Variants in NELL1 observed in about 807,000 individuals in gnomAD.
The protein encoded by NELL1 is neural EGFL like 1.
Under a neutral mutation model 107.4 loss-of-function variants are expected in NELL1, and 76 were observed. The ratio of observed to expected loss-of-function variants is 0.71; its 90% CI spans 0.59 to 0.86. The LOEUF (loss-of-function observed/expected upper bound fraction) is 0.86. Ranked by LOEUF, NELL1 falls within the 40% of genes least tolerant of loss-of-function variation. The pLI, the probability that NELL1 is intolerant of heterozygous loss-of-function variation, is 0.00. For missense variants in NELL1, 1,024 were observed against 1,005.5 expected (o/e 1.02, Z -0.25); for synonymous variants, 353 against 341.2 (o/e 1.03, Z -0.38).
At chr11:20,685,677 G>A (rs966954927) in intron 2 of NELL1, among the ~76,000 whole-genome samples, 4 of 152,064 alleles carry the variant, frequency 2.6e-5, no homozygotes, top group South Asian at 2.1e-4. Context: ...GTGAGCTCTC[G>A]TTAAACTTGA....
At chr11:21,074,767 T>G (rs1006519034) in intron 12 of NELL1, among the ~76,000 whole-genome samples, 1 of 152,118 alleles carries the variant, frequency 6.6e-6, no homozygotes, top group Non-Finnish European at 1.5e-5. Context: ...GGTTTCAGGA[T>G]AATTCTGATG....
At chr11:21,514,990 C>T (rs1855522908) in intron 15 of NELL1, among the ~76,000 whole-genome samples, 1 of 152,078 alleles carries the variant, frequency 6.6e-6, no homozygotes. Flanking sequence ...TTTCTTATAG[C>T]TTGCAGGTAG....
intron 12 of NELL1, among the ~76,000 whole-genome samples, chr11:21,029,961 G>T (rs1438258979): frequency 1.3e-5 from 2 of 152,144 alleles, no homozygotes; most frequent in African/African-American, 4.8e-5. Flanking sequence ...TCCATCATCA[G>T]CAAGACCTCT....
intron 14 of NELL1, among the ~76,000 whole-genome samples, chr11:21,236,945 A>G (rs1187100475): frequency 6.6e-6 from 1 of 152,180 alleles, no homozygotes; most frequent in African/African-American, 2.4e-5. Context: ...GTTTTACTAC[A>G]TGACTTAGGG....
intron 9 of NELL1, among the ~76,000 whole-genome samples, chr11:20,935,351 G>A (rs550482952): frequency 7.7e-4 from 117 of 152,322 alleles, no homozygotes; most frequent in African/African-American, 2.8e-3. Context: ...GGTGTATAGG[G>A]TGGGAGGCTG....
intron 3 of NELL1, among the ~76,000 whole-genome samples, chr11:20,804,258 T>C (rs1278097695): frequency 1.3e-5 from 2 of 152,142 alleles, no homozygotes; most frequent in Non-Finnish European, 2.9e-5. Context: ...ATTTTTGAGA[T>C]GGAGTCTTGC....
intron 3 of NELL1, among the ~76,000 whole-genome samples, chr11:20,817,043 G>GT (rs1206920441): frequency 1.3e-5 from 2 of 152,102 alleles, no homozygotes; most frequent in African/African-American, 4.8e-5. Flanking sequence ...CAGTTTACTA[G>GT]TTTTTTGTTG....
At chr11:20,692,910 C>T (rs939241719) in intron 2 of NELL1, among the ~76,000 whole-genome samples, 57 of 152,084 alleles carry the variant, frequency 3.7e-4, no homozygotes, top group Admixed American at 2.4e-3. Flanking sequence ...ATTATTAATG[C>T]GTGGGAGTCT....
At chr11:21,148,442 C>T (rs962137421) in intron 13 of NELL1, among the ~76,000 whole-genome samples, 2 of 152,180 alleles carry the variant, frequency 1.3e-5, no homozygotes, top group Middle Eastern at 3.4e-3. Flanking sequence ...AGCATGTGTT[C>T]CTTCAGGTGA....
chr11:20,995,284 A>T (rs1229388496), intron 12 of NELL1, among the ~76,000 whole-genome samples: 1 of 152,142 alleles, frequency 6.6e-6, no homozygotes, highest in Non-Finnish European at 1.5e-5. Flanking sequence ...AAGAAGCAAT[A>T]AAAAAATCAG....
At chr11:20,986,374 T>G (rs1006499944) in intron 12 of NELL1, among the ~76,000 whole-genome samples, 1 of 152,188 alleles carries the variant, frequency 6.6e-6, no homozygotes, top group Non-Finnish European at 1.5e-5. Context: ...TAAGAAAGAT[T>G]GCATTTTTCA....
chr11:21,260,960 A>C (rs373722158), intron 14 of NELL1, among the ~76,000 whole-genome samples: 23 of 151,970 alleles, frequency 1.5e-4, no homozygotes, highest in East Asian at 9.7e-4. Context: ...GGAGGTTAGA[A>C]TATTAAGGGC....
At chr11:21,249,423 A>G (rs563181747) in intron 14 of NELL1, among the ~76,000 whole-genome samples, 10 of 151,978 alleles carry the variant, frequency 6.6e-5, no homozygotes, top group African/African-American at 2.2e-4. Flanking sequence ...TAAAACAGTT[A>G]CTTATTTTTT....
At chr11:20,993,109 A>G (rs1852013257) in intron 12 of NELL1, among the ~76,000 whole-genome samples, 1 of 152,158 alleles carries the variant, frequency 6.6e-6, no homozygotes, top group African/African-American at 2.4e-5. Flanking sequence ...CTTACTTTGT[A>G]TGCCTGGCAA....
intron 12 of NELL1, among the ~76,000 whole-genome samples, chr11:20,996,847 G>A (rs532275033): frequency 6.6e-6 from 1 of 152,166 alleles, no homozygotes; most frequent in South Asian, 2.1e-4. Flanking sequence ...CTGAACAGTT[G>A]GAGGTATTAG....
intron 3 of NELL1, among the ~76,000 whole-genome samples, chr11:20,832,628 T>C (rs1194082376): frequency 6.6e-6 from 1 of 152,222 alleles, no homozygotes; most frequent in Non-Finnish European, 1.5e-5. Context: ...TACATCAAAC[T>C]GCCTTGACAT....
At chr11:21,441,330 C>CGTGTGTGTGTGTGTGTGTGTGT (rs201892977) in intron 15 of NELL1, among the ~76,000 whole-genome samples, 5 of 140,148 alleles carry the variant, frequency 3.6e-5, no homozygotes, top group African/African-American at 1.3e-4. Context: ...GAGGCTGTGA[C>CGTGTGTGTGTGTGTGTGTGTGT]GTGTGTGTGT....
intron 3 of NELL1, among the ~76,000 whole-genome samples, chr11:20,820,713 T>C (rs1418579496): frequency 6.6e-6 from 1 of 152,144 alleles, no homozygotes; most frequent in Non-Finnish European, 1.5e-5. Flanking sequence ...CCTATTTCTC[T>C]TGTCAAAGAA....
At chr11:21,099,234 A>AACACACACACAC (rs1554967542) in intron 12 of NELL1, among the ~76,000 whole-genome samples, 1 of 64,004 alleles carries the variant, frequency 1.6e-5, no homozygotes, top group Non-Finnish European at 3.2e-5. Flanking sequence ...CACACACACA[A>AACACACACACAC]ACACACACAC....
Sources: allele counts gnomAD v4.1 joint callset (sites outside exome capture counted in the v4.1 genomes callset), GRCh38; gene constraint gnomAD v4.1.1; transcripts MANE v1.5; gene names NCBI Gene and HGNC (gene_info 2026-07-23, HGNC 2026-07-21).